The following DNM3 variants were observed in gnomAD, a reference collection of about 807,000 sequenced individuals.
DNM3 encodes the protein dynamin 3.
DNM3 carries 47 observed loss-of-function variants against 101.6 expected under a neutral mutation model. The ratio of observed to expected loss-of-function variants is 0.46; its 90% CI spans 0.37 to 0.59. The LOEUF (loss-of-function observed/expected upper bound fraction) is 0.59, where lower values mean the gene tolerates loss of function less well. DNM3 is among the 20% of genes least tolerant of loss of function. The pLI is 0.00. For synonymous variants in DNM3, 385 were observed against 387.9 expected, an observed-to-expected ratio of 0.99 and a Z score of 0.09; for missense variants, 849 against 1,085.7, an observed-to-expected ratio of 0.78 and a Z score of 3.06.
At chr1:172,073,083 A>T (rs569419791) in intron 11 of DNM3, among the ~76,000 whole-genome samples, 41 of 76,860 alleles carry the variant, frequency 5.3e-4, no homozygotes, top group African/African-American at 1.1e-3. Flanking sequence ...GAGAAATATT[A>T]AAAAAAATTA....
chr1:172,350,629 T>C (rs906145694), intron 17 of DNM3, among the ~76,000 whole-genome samples: 2 of 152,160 alleles, frequency 1.3e-5, no homozygotes, highest in African/African-American at 4.8e-5. Flanking sequence ...GAGCCTGGGG[T>C]ATGCTAATGA....
At chr1:172,324,747 A>T (rs892481005) in intron 17 of DNM3, among the ~76,000 whole-genome samples, 1 of 152,210 alleles carries the variant, frequency 6.6e-6, no homozygotes, top group Non-Finnish European at 1.5e-5. Context: ...ATTGAATAGT[A>T]CGTATGTCGA....
At chr1:172,260,173 T>A (rs1021756918) in intron 15 of DNM3, among the ~76,000 whole-genome samples, 3 of 152,152 alleles carry the variant, frequency 2.0e-5, no homozygotes, top group African/African-American at 7.2e-5. Flanking sequence ...TTGTTAGGGT[T>A]CTGCTGAGAA....
At chr1:172,305,124 A>G (rs980980303) in intron 15 of DNM3, among the ~76,000 whole-genome samples, 13 of 152,236 alleles carry the variant, frequency 8.5e-5, no homozygotes, top group African/African-American at 2.9e-4. Flanking sequence ...AACAAAAGTG[A>G]TAGACCACTA....
At chr1:172,091,326 C>G (rs1018248755) in intron 12 of DNM3, among the ~76,000 whole-genome samples, 1 of 152,146 alleles carries the variant, frequency 6.6e-6, no homozygotes, top group Non-Finnish European at 1.5e-5. Context: ...AAAATAAATA[C>G]ACCGTGTAGT....
At chr1:172,129,880 G>A (rs1449289650) in intron 13 of DNM3, among the ~76,000 whole-genome samples, 1 of 152,112 alleles carries the variant, frequency 6.6e-6, no homozygotes, top group Non-Finnish European at 1.5e-5. Flanking sequence ...AAAAAGCCGT[G>A]GAGAAAAGTG....
At chr1:172,247,503 A>C (rs1052221184) in intron 14 of DNM3, among the ~76,000 whole-genome samples, 2 of 152,164 alleles carry the variant, frequency 1.3e-5, no homozygotes, top group Admixed American at 6.5e-5. Flanking sequence ...GTCATGTTTC[A>C]GAATGTTAGA....
chr1:172,233,550 A>G (rs191987109), intron 14 of DNM3, among the ~76,000 whole-genome samples: 3,434 of 152,318 alleles, frequency 0.023, 53 homozygotes, highest in Non-Finnish European at 0.032. Flanking sequence ...TGAGTCCAGC[A>G]TCATCCTGAT....
At chr1:171,980,371 G>GTA (rs1172979331) in intron 2 of DNM3, among the ~76,000 whole-genome samples, 2 of 151,980 alleles carry the variant, frequency 1.3e-5, no homozygotes, top group Non-Finnish European at 2.9e-5. Flanking sequence ...TGATATTTCA[G>GTA]TATATATATA....
chr1:171,918,060 C>A (rs776552523), intron 1 of DNM3, among the ~76,000 whole-genome samples: 1 of 152,094 alleles, frequency 6.6e-6, no homozygotes, highest in Non-Finnish European at 1.5e-5. Flanking sequence ...GTGATCAACA[C>A]CAAGAGGATA....
chr1:172,061,296 CT>C (rs2051173552), intron 10 of DNM3, among the ~76,000 whole-genome samples: 1 of 145,222 alleles, frequency 6.9e-6, no homozygotes, highest in Admixed American at 6.9e-5. Flanking sequence ...GTGGCGATTC[CT>C]CAGGGATCTA....
intron 14 of DNM3, among the ~76,000 whole-genome samples, chr1:172,221,591 A>G (rs2148565777): frequency 1.3e-5 from 2 of 152,188 alleles, no homozygotes; most frequent in Middle Eastern, 3.4e-3. Context: ...CTAAGTAAAC[A>G]TCTGCTGTGA....
intron 1 of DNM3, among the ~76,000 whole-genome samples, chr1:171,848,228 G>A (rs942264577): frequency 2.6e-5 from 4 of 151,870 alleles, no homozygotes; most frequent in Non-Finnish European, 4.4e-5. Flanking sequence ...CTTTGCATTG[G>A]GCCAGCCTTT....
intron 10 of DNM3, among the ~76,000 whole-genome samples, chr1:172,061,490 T>C (rs867833110): frequency 5.3e-4 from 80 of 151,344 alleles, no homozygotes; most frequent in Non-Finnish European, 1.0e-3. Context: ...AAATGTGGCA[T>C]ATATACACCA....
At chr1:172,394,750 C>T (rs988924137) in intron 20 of DNM3, among the ~76,000 whole-genome samples, 1 of 152,112 alleles carries the variant, frequency 6.6e-6, no homozygotes, top group Admixed American at 6.5e-5. Flanking sequence ...AGCCACTGGC[C>T]AGTGAAAAAT....
chr1:171,895,512 A>G (rs2037704576), intron 1 of DNM3, among the ~76,000 whole-genome samples: 1 of 151,700 alleles, frequency 6.6e-6, no homozygotes, highest in African/African-American at 2.4e-5. Flanking sequence ...AAATTTGTTT[A>G]AGTTCTTTGT....
chr1:172,151,956 G>A (rs1230527075), intron 14 of DNM3, among the ~76,000 whole-genome samples: 2 of 152,078 alleles, frequency 1.3e-5, no homozygotes, highest in South Asian at 2.1e-4. Flanking sequence ...GCGCACTGCA[G>A]CCTCGACCTC....
chr1:172,374,150 A>T (rs2068486903), intron 17 of DNM3, among the ~76,000 whole-genome samples: 1 of 152,206 alleles, frequency 6.6e-6, no homozygotes, highest in Admixed American at 6.6e-5. Context: ...CAACAGCTCA[A>T]CCTAGCAAAT....
chr1:172,062,287 A>C (rs1042558249), intron 10 of DNM3, among the ~76,000 whole-genome samples: 2 of 152,054 alleles, frequency 1.3e-5, no homozygotes, highest in African/African-American at 4.8e-5. Context: ...CACCATGTCA[A>C]CCCACCCTGG....
Sources: gnomAD v4.1 joint callset for allele counts (sites outside exome capture counted in the v4.1 genomes callset) on GRCh38, gnomAD v4.1.1 for gene constraint, MANE v1.5 for transcripts, NCBI Gene and HGNC (gene_info 2026-07-23, HGNC 2026-07-21) for gene names.